RBM5: variants seen among roughly 807,000 people sequenced by gnomAD.
The protein encoded by RBM5 is RNA binding motif protein 5, also known as RNA-binding protein 5.
Under a neutral mutation model 124.6 loss-of-function variants are expected in RBM5, and 15 were observed. That is an observed-to-expected ratio of 0.12 (90% CI 0.08 to 0.19). The LOEUF is 0.19. RBM5 is among the 10% of genes least tolerant of loss of function. The pLI is 1.00. For synonymous variants in RBM5, 337 were observed against 361.2 expected (o/e 0.93, Z 0.76); for missense variants, 580 against 1,026.5 (o/e 0.57, Z 5.94).
rs778941760 is a variant in RBM5, at chr3:50,112,240, T to TA, written c.1456-1127dup. 7.0e-3 allele frequency: 875 copies of TA among 125,532 alleles called. 9 individuals are homozygous for TA. Among genetic ancestry groups the TA allele is most frequent in the South Asian group, 0.021 (83 of 3,948 alleles). The allele number at this position is 125,532 out of a possible 1,614,324, so 7.8% of individuals were successfully genotyped here. A position where few individuals can be genotyped will look rare whatever the true frequency, so the allele number is the denominator to read the frequency against. On this transcript the variant is annotated intron_variant, in intron 17 of 24. Coordinates refer to ENST00000347869, the MANE Select transcript of RBM5 (RefSeq NM_005778.4). ...TAACACAGTGAAACCCCGTCTCTAC[T>TA]AAAAAAAAAAAAAAAATACAAAAAA...
chr3:50,105,199 G>C (rs539273281), intron 9 of RBM5, 57 bp downstream of exon 9: 6 of 1,401,418 alleles, frequency 4.3e-6, no homozygotes, highest in African/African-American at 4.3e-5. Flanking sequence ...CAGTTGTCAG[G>C]AGATGGAGAC....
intron 7 of RBM5, among the ~76,000 whole-genome samples, chr3:50,103,441 G>A (rs1421803687): frequency 1.3e-5 from 2 of 152,174 alleles, no homozygotes; most frequent in Non-Finnish European, 2.9e-5. Flanking sequence ...GAGGCCAGGG[G>A]TTAGAGACCA....
At chr3:50,094,026 AT>A (rs370886724) in intron 4 of RBM5, 151 bp downstream of exon 4, 750 of 663,468 alleles carry the variant, frequency 1.1e-3, no homozygotes, top group Non-Finnish European at 1.4e-3. Flanking sequence ...CTGTTTTGAT[AT>A]TTTTTTTTAA....
chr3:50,113,379 C>T lies in RBM5; in HGVS notation c.1456-4C>T, dbSNP rs778498695. ...TTAATTGTTTTTTGTTTGTTGTTTT[C>T]TAGTACTACTATAATTCCTTGACCC... is the stretch of plus-strand genomic sequence containing the variant. On this transcript the variant is annotated splice_polypyrimidine_tract_variant and splice_region_variant and intron_variant, in intron 17 of 24. Coordinates refer to ENST00000347869, the MANE Select transcript of RBM5 (RefSeq NM_005778.4). 2 of 1,600,974 alleles carry T rather than the reference C, an allele frequency of 1.2e-6. No homozygotes were observed. Among genetic ancestry groups the T allele is most frequent in the Admixed American group, 1.8e-5 (1 of 56,602 alleles).
At chr3:50,118,122 T>C in intron 24 of RBM5, 1 of 633,596 alleles carries the variant, frequency 1.6e-6, no homozygotes, top group Non-Finnish European at 2.6e-6. Context: ...GTGGGTGATT[T>C]GCTTCATCTG....
chr3:50,112,363 C>T (rs985919448), intron 17 of RBM5, among the ~76,000 whole-genome samples: 3 of 138,924 alleles, frequency 2.2e-5, no homozygotes, highest in South Asian at 2.2e-4. Flanking sequence ...TGGCAGTAAG[C>T]GAATGTCGCG....
In RBM5 at chr3:50,105,536, C is replaced by A; in HGVS notation, c.695-13C>A. 1 of 1,611,628 alleles carries A rather than the reference C, an allele frequency of 6.2e-7. No homozygotes were observed. Among genetic ancestry groups the A allele is most frequent in the South Asian group, 1.1e-5 (1 of 90,826 alleles). On this transcript the variant is annotated splice_polypyrimidine_tract_variant and intron_variant, in intron 9 of 24. Coordinates refer to ENST00000347869, the MANE Select transcript of RBM5 (RefSeq NM_005778.4). ...GAATGCATGTGTATGTCATTTGTCT[C>A]ATTTACCCCTAGCGATCATTCTTCG... is the stretch of plus-strand genomic sequence containing the variant.
intron 4 of RBM5, among the ~76,000 whole-genome samples, chr3:50,097,922 G>A (rs1444529361): frequency 6.6e-6 from 1 of 152,166 alleles, no homozygotes; most frequent in African/African-American, 2.4e-5. Context: ...GCAACATGGT[G>A]AAACCCCTCT....
At position 50,110,365 on chromosome 3, in the gene RBM5, G is replaced by C; in HGVS notation, c.1279-14G>C. ...TTACAGTTGAAATTATATTGAAGCT[G>C]CTGTTCTTTCCAGACTGAGGAAGCA... On this transcript the variant is annotated splice_polypyrimidine_tract_variant and intron_variant, in intron 15 of 24. Transcript: ENST00000347869. 6 of 1,612,158 alleles carry C rather than the reference G, an allele frequency of 3.7e-6. No homozygotes were observed. The highest frequency in any genetic ancestry group is 5.1e-6 in the Non-Finnish European group (6 of 1,178,408).
chr3:50,108,221 C>G lies in RBM5; in HGVS notation c.1120-11C>G, dbSNP rs759238639. On this transcript the variant is annotated splice_polypyrimidine_tract_variant and intron_variant, in intron 13 of 24. Transcript: ENST00000347869. ...TGAGAATAGCAGCTTTAATGGTGGA[C>G]TTTTCTTCAGTATTCACAGGATTAT... The G allele has an allele frequency of 1.2e-6, 2 of 1,611,788 alleles. No homozygotes were observed. Among genetic ancestry groups the G allele is most frequent in the Non-Finnish European group, 1.7e-6 (2 of 1,177,856 alleles).
intron 22 of RBM5, chr3:50,116,222 A>C: frequency 4.1e-6 from 2 of 491,840 alleles, no homozygotes; most frequent in Non-Finnish European, 7.3e-6. Context: ...TCTCACAGCA[A>C]TGCCAGAGCT....
At chr3:50,110,236 C>A in intron 15 of RBM5, 143 bp from the exon 16 acceptor site, 1 of 677,340 alleles carries the variant, frequency 1.5e-6, no homozygotes, top group Non-Finnish European at 2.5e-6. Flanking sequence ...AAGTTGTCAA[C>A]ATGTGTTTTG....
At chr3:50,110,798 T>C in intron 17 of RBM5, 28 bp downstream of exon 17, 1 of 1,545,958 alleles carries the variant, frequency 6.5e-7, no homozygotes, top group Non-Finnish European at 8.9e-7. Context: ...CTCCTCAATT[T>C]CACTAGAAGT....
intron 22 of RBM5, 187 bp downstream of exon 22, chr3:50,116,167 C>T (rs1429382047): frequency 1.0e-5 from 6 of 589,956 alleles, no homozygotes; most frequent in Non-Finnish European, 1.8e-5. Flanking sequence ...CACATTGTCC[C>T]TTCATCATAA....
rs761712244 is a variant in RBM5, at chr3:50,096,750, C to T, written c.339+2875C>T. On this transcript the variant is annotated intron_variant, in intron 4 of 24. Coordinates refer to ENST00000347869, the MANE Select transcript of RBM5 (RefSeq NM_005778.4). ...GGATTACAGGCATGTGTCACCACTC[C>T]GAGCTAATTTTTTTTTTTATCGTTT... 4.6e-5 allele frequency among the ~76,000 whole-genome samples: 7 copies of T among 151,568 alleles called. No individual in the cohort carries two copies. In the South Asian group the frequency reaches 6.3e-4, roughly 14 times the overall value.
chr3:50,109,735 T>A, intron 15 of RBM5, 47 bp downstream of exon 15: 1 of 1,515,704 alleles, frequency 6.6e-7, no homozygotes, highest in Non-Finnish European at 9.2e-7. Context: ...ATGGGGAAAT[T>A]TTGTTTTGCT....
At chr3:50,107,645 T>G (rs762309311) in intron 12 of RBM5, 76 bp downstream of exon 12, 1 of 761,834 alleles carries the variant, frequency 1.3e-6, no homozygotes, top group Non-Finnish European at 2.2e-6. Flanking sequence ...TCTCCTGTGG[T>G]ACTCGCAGTA....
In RBM5 at chr3:50,117,641, C is replaced by T. The variant is rs754680046; in HGVS notation, c.2322+262C>T. ...ACTAAAATACAAAATATTAACTGGACGTGGCAGCGTGTGCCTGTAATCCCA... is the reference window on the plus strand; with the variant it reads ...ACTAAAATACAAAATATTAACTGGATGTGGCAGCGTGTGCCTGTAATCCCA... On this transcript the variant is annotated intron_variant, in intron 24 of 24. Transcript: ENST00000347869. This position sits in a 1 kb window ranked among gnomAD's most constrained non-coding sequence, Gnocchi z 4.2. 9.5e-6 allele frequency: 3 copies of T among 317,090 alleles called. No individual in the cohort carries two copies. Among genetic ancestry groups the T allele is most frequent in the South Asian group, 4.8e-5 (1 of 21,038 alleles). The allele number at this position is 317,090 out of a possible 1,614,324, so 19.6% of individuals were successfully genotyped here. A position where few individuals can be genotyped will look rare whatever the true frequency, so the allele number is the denominator to read the frequency against.
In RBM5 at chr3:50,117,029, T is replaced by G. The variant is rs2091266268; in HGVS notation, c.2095-45T>G. 1 of 1,550,178 alleles carries G rather than the reference T, an allele frequency of 6.5e-7. No homozygotes were observed. The highest frequency in any genetic ancestry group is 8.9e-7 in the Non-Finnish European group (1 of 1,122,148). On this transcript the variant is annotated intron_variant, in intron 22 of 24. Transcript: ENST00000347869. This position sits in a 1 kb window ranked among gnomAD's most constrained non-coding sequence, Gnocchi z 4.2. ...AATAGGTGCATTAGACGGTTACAGG[T>G]TGAAGTCTGTGAACATTTCCAGCAG...
Sources: allele counts gnomAD v4.1 joint callset (sites outside exome capture counted in the v4.1 genomes callset), GRCh38; gene constraint gnomAD v4.1.1; non-coding constraint Gnocchi (gnomAD v3.1); transcripts MANE v1.5; gene names NCBI Gene and HGNC (gene_info 2026-07-23, HGNC 2026-07-21).